PCDH9: variants seen among roughly 807,000 people sequenced by gnomAD.
PCDH9 encodes protocadherin 9.
In PCDH9, 24 loss-of-function variants were observed where a neutral mutation model predicts 70.6. The ratio of observed to expected loss-of-function variants is 0.34; its 90% confidence interval spans 0.25 to 0.48. The LOEUF is 0.48. PCDH9 is among the 20% of genes least tolerant of loss of function. The pLI is 0.99. For synonymous variants in PCDH9, 562 were observed against 558.5 expected, an observed-to-expected ratio of 1.01 and a Z score of -0.09; for missense variants, 1,281 against 1,503.6, an observed-to-expected ratio of 0.85 and a Z score of 2.45.
At chr13:66,711,970 C>A (rs1000757327) in intron 3 of PCDH9, among the ~76,000 whole-genome samples, 9 of 152,148 alleles carry the variant, frequency 5.9e-5, no homozygotes, top group Non-Finnish European at 1.0e-4. Flanking sequence ...ATTGCATGAT[C>A]CCTTTCCAGC....
intron 2 of PCDH9, among the ~76,000 whole-genome samples, chr13:67,042,044 T>A (rs576112906): frequency 7.2e-5 from 11 of 152,208 alleles, no homozygotes; most frequent in African/African-American, 2.6e-4. Flanking sequence ...CCAAAGCCCA[T>A]GTTTCTAGTG....
chr13:67,123,147 T>C (rs558647839), intron 2 of PCDH9, among the ~76,000 whole-genome samples: 2 of 152,350 alleles, frequency 1.3e-5, no homozygotes, highest in South Asian at 2.1e-4. Flanking sequence ...AGGCATGTTA[T>C]AGCAAATACC....
chr13:66,873,420 T>C (rs891725429), intron 3 of PCDH9, among the ~76,000 whole-genome samples: 6 of 152,176 alleles, frequency 3.9e-5, no homozygotes, highest in African/African-American at 1.4e-4. Flanking sequence ...CAATCCAATT[T>C]ATTTTTAAAC....
At chr13:66,976,503 T>C (rs1370746807) in intron 2 of PCDH9, among the ~76,000 whole-genome samples, 1 of 152,126 alleles carries the variant, frequency 6.6e-6, no homozygotes, top group Admixed American at 6.6e-5. Context: ...GAGTTTCAAA[T>C]GACTTTTCAT....
At chr13:66,825,839 G>T (rs2080814547) in intron 3 of PCDH9, among the ~76,000 whole-genome samples, 1 of 152,016 alleles carries the variant, frequency 6.6e-6, no homozygotes, top group South Asian at 2.1e-4. Flanking sequence ...TGCAATAAAT[G>T]GTGCCGAAAT....
At chr13:66,594,438 C>T (rs2077076721) in intron 4 of PCDH9, among the ~76,000 whole-genome samples, 1 of 151,264 alleles carries the variant, frequency 6.6e-6, no homozygotes, top group South Asian at 2.1e-4. Context: ...CTATGATAGC[C>T]AAAATTAAGG....
At chr13:66,379,429 C>T (rs1956803550) in intron 4 of PCDH9, among the ~76,000 whole-genome samples, 1 of 152,162 alleles carries the variant, frequency 6.6e-6, no homozygotes, top group African/African-American at 2.4e-5. Context: ...AAATTAGTGT[C>T]ACGTCACTCA....
chr13:66,470,362 A>C (rs938692741), intron 4 of PCDH9, among the ~76,000 whole-genome samples: 20 of 152,298 alleles, frequency 1.3e-4, no homozygotes, highest in Admixed American at 9.8e-4. Flanking sequence ...ATGGTTTGTC[A>C]TATTTATCCA....
At chr13:67,015,306 C>T (rs534859530) in intron 2 of PCDH9, among the ~76,000 whole-genome samples, 6 of 152,068 alleles carry the variant, frequency 3.9e-5, no homozygotes, top group African/African-American at 7.2e-5. Context: ...GATATGTGGG[C>T]GAATGTGAAA....
At chr13:66,733,707 G>C (rs1410662071) in intron 3 of PCDH9, among the ~76,000 whole-genome samples, 1 of 145,400 alleles carries the variant, frequency 6.9e-6, no homozygotes, top group Non-Finnish European at 1.5e-5. Context: ...TTAACACTTT[G>C]AAGGCCACAA....
At position 66,917,543 on chromosome 13, in the gene PCDH9, G is replaced by C. The variant is rs115677040; in HGVS notation, c.3037-13938C>G. The stretch of plus-strand genomic sequence containing the variant: ...AGGGCTCTGGTCGAATAAATGTGTT[G>C]ACATGCTATTTGTTTTTATGATAGT... On this transcript the variant is annotated intron_variant, in intron 2 of 4. Transcript: ENST00000377865. Among the ~76,000 whole-genome samples the C allele has an allele frequency of 8.3e-3, 1,251 of 151,516 alleles. 20 individuals carry two copies. The highest frequency in any genetic ancestry group is 0.029 in the African/African-American group (1,194 of 41,434).
intron 4 of PCDH9, among the ~76,000 whole-genome samples, chr13:66,498,720 ATTTT>A (rs1024669748): frequency 6.6e-6 from 1 of 151,926 alleles, no homozygotes; most frequent in Admixed American, 6.6e-5. Context: ...TCCTGAAAAA[ATTTT>A]TTTTTAATGT....
chr13:67,064,390 A>G (rs2085600309), intron 2 of PCDH9, among the ~76,000 whole-genome samples: 1 of 152,170 alleles, frequency 6.6e-6, no homozygotes, highest in East Asian at 1.9e-4. Flanking sequence ...GCAAGAGCCT[A>G]AAATATTTTC....
intron 2 of PCDH9, among the ~76,000 whole-genome samples, chr13:67,050,977 A>G (rs2085310196): frequency 6.6e-6 from 1 of 152,226 alleles, no homozygotes; most frequent in Non-Finnish European, 1.5e-5. Context: ...CTAAAAGCTC[A>G]ACAAGCAATA....
intron 3 of PCDH9, among the ~76,000 whole-genome samples, chr13:66,874,730 A>G (rs1047041519): frequency 3.9e-5 from 6 of 152,168 alleles, no homozygotes; most frequent in African/African-American, 1.2e-4. Flanking sequence ...ACAGTACATA[A>G]TTCTCATTTA....
intron 4 of PCDH9, among the ~76,000 whole-genome samples, chr13:66,544,490 G>A (rs1284194513): frequency 2.0e-5 from 3 of 152,126 alleles, no homozygotes; most frequent in African/African-American, 4.8e-5. Flanking sequence ...GTTTTTCCCA[G>A]GAAAGAATTC....
At chr13:66,307,947 C>A (rs949185028) in intron 4 of PCDH9, among the ~76,000 whole-genome samples, 1 of 152,006 alleles carries the variant, frequency 6.6e-6, no homozygotes, top group African/African-American at 2.4e-5. Context: ...TTTATTTATT[C>A]CACGAACATT....
chr13:66,952,308 T>A (rs568427273), intron 2 of PCDH9, among the ~76,000 whole-genome samples: 1 of 152,160 alleles, frequency 6.6e-6, no homozygotes, highest in Non-Finnish European at 1.5e-5. Flanking sequence ...GCCACCACTG[T>A]TCTAATTATT....
intron 2 of PCDH9, among the ~76,000 whole-genome samples, chr13:66,964,961 T>A (rs952391383): frequency 6.6e-6 from 1 of 151,912 alleles, no homozygotes; most frequent in African/African-American, 2.4e-5. Flanking sequence ...CTAGAGATAA[T>A]GCATTAAATA....
Sources: allele counts gnomAD v4.1 joint callset (sites outside exome capture counted in the v4.1 genomes callset), GRCh38; gene constraint gnomAD v4.1.1; transcripts MANE v1.5; gene names NCBI Gene and HGNC (gene_info 2026-07-23, HGNC 2026-07-21).